EXTL3: variants seen among roughly 807,000 people sequenced by gnomAD.
EXTL3 encodes exostosin-like 3.
In EXTL3, 27 loss-of-function variants were observed where a neutral mutation model predicts 69.3. The observed-to-expected ratio is 0.39, with a 90% CI of 0.29 to 0.54. The LOEUF (loss-of-function observed/expected upper bound fraction) is 0.54, where lower values mean the gene tolerates loss of function less well. EXTL3 is among the 20% of genes least tolerant of loss of function. The pLI, the probability that EXTL3 is intolerant of heterozygous loss-of-function variation, is 0.69. For synonymous variants in EXTL3, 511 were observed against 499.4 expected (o/e 1.02, Z -0.31); for missense variants, 1,003 against 1,231.8 (o/e 0.81, Z 2.78).
chr8:28,631,997 A>G (rs1806576746), intron 1 of EXTL3, among the ~76,000 whole-genome samples: 1 of 151,970 alleles, frequency 6.6e-6, no homozygotes, highest in South Asian at 2.1e-4. Flanking sequence ...CTGAGGCAAG[A>G]GAATCACTTG....
chr8:28,611,077 C>T (rs1404882972), intron 2 of EXTL3, among the ~76,000 whole-genome samples: 1 of 152,168 alleles, frequency 6.6e-6, no homozygotes, highest in East Asian at 1.9e-4. Flanking sequence ...TATTACCTCT[C>T]CTTGCTGCAT....
At chr8:28,710,166 G>A (rs1054527619) in intron 1 of EXTL3, among the ~76,000 whole-genome samples, 15 of 152,166 alleles carry the variant, frequency 9.9e-5, no homozygotes, top group Non-Finnish European at 1.8e-4. Context: ...CATAGAAGAT[G>A]TGCTTGCTGC....
chr8:28,728,584 T>C (rs1340717486), intron 3 of EXTL3, among the ~76,000 whole-genome samples: 1 of 152,140 alleles, frequency 6.6e-6, no homozygotes, highest in African/African-American at 2.4e-5. Context: ...TGAGGTGAAG[T>C]CTTAAAGAAA....
chr8:28,704,156 T>C (rs1363900621), intron 1 of EXTL3, among the ~76,000 whole-genome samples: 2 of 152,104 alleles, frequency 1.3e-5, no homozygotes, highest in African/African-American at 2.4e-5. Flanking sequence ...TAGAAGAGGA[T>C]TGGGGAGACT....
intron 3 of EXTL3, among the ~76,000 whole-genome samples, chr8:28,727,767 T>G (rs1424972748): frequency 6.6e-6 from 1 of 152,136 alleles, no homozygotes; most frequent in Non-Finnish European, 1.5e-5. Context: ...TTCTCCCCAT[T>G]TAATGTGCAC....
upstream of EXTL3, among the ~76,000 whole-genome samples, chr8:28,620,721 T>C (rs893536152): frequency 6.6e-6 from 1 of 152,222 alleles, no homozygotes; most frequent in Non-Finnish European, 1.5e-5. Context: ...TTGTTTTCTT[T>C]TCTTTTTTTT....
At chr8:28,694,082 T>G (rs969273570) in intron 1 of EXTL3, among the ~76,000 whole-genome samples, 3 of 152,156 alleles carry the variant, frequency 2.0e-5, no homozygotes, top group African/African-American at 7.2e-5. Flanking sequence ...GCCATTAACA[T>G]GGAAAATGAG....
rs911066585 is a variant in EXTL3 at position 28,751,353 on chromosome 8, C to G, written c.*487C>G. ...CTTTCTAAGGGAGGGACCGCGCAGG[C>G]TCCTTTGTTCTGTATTCTGGCGGAG... is the stretch of plus-strand genomic sequence containing the variant. On this transcript the variant is annotated 3_prime_UTR_variant, in exon 7 of 7. Transcript: ENST00000220562. The G allele has an allele frequency of 3.5e-5, 6 of 171,434 alleles. No homozygotes were observed. Among genetic ancestry groups the G allele is most frequent in the Admixed American group, 1.1e-4 (2 of 18,304 alleles). The allele number at this position is 171,434 out of a possible 1,614,324, so 10.6% of individuals were successfully genotyped here.
At chr8:28,731,379 T>C (rs376773543) in intron 4 of EXTL3, 29 bp downstream of exon 4, 550 of 1,613,850 alleles carry the variant, frequency 3.4e-4, no homozygotes, top group Non-Finnish European at 4.2e-4. Context: ...ATCAAAACTT[T>C]AGGTTGCAAG....
chr8:28,613,509 G>T (rs1806296148), intron 2 of EXTL3, among the ~76,000 whole-genome samples: 1 of 152,112 alleles, frequency 6.6e-6, no homozygotes, highest in Non-Finnish European at 1.5e-5. Flanking sequence ...GAATGAAATG[G>T]GAAGTACTCC....
chr8:28,730,238 C>A (rs1262044985), intron 3 of EXTL3: 1 of 152,114 alleles, frequency 6.6e-6, no homozygotes, highest in Non-Finnish European at 1.5e-5. Context: ...GTTCTCAGTA[C>A]AAGTAAAATA....
At chr8:28,723,903 A>G (rs1585280481) in intron 3 of EXTL3, among the ~76,000 whole-genome samples, 1 of 151,924 alleles carries the variant, frequency 6.6e-6, no homozygotes, top group African/African-American at 2.4e-5. Context: ...CTGCCTCCCA[A>G]AGTACTGGGA....
intron 1 of EXTL3, among the ~76,000 whole-genome samples, chr8:28,703,853 T>G (rs1344011593): frequency 6.6e-6 from 1 of 152,220 alleles, no homozygotes; most frequent in African/African-American, 2.4e-5. Context: ...TTATTTTTGT[T>G]ACCCCTTCAT....
At chr8:28,621,763 A>G (rs1806411845), upstream of EXTL3, among the ~76,000 whole-genome samples, 1 of 152,240 alleles carries the variant, frequency 6.6e-6, no homozygotes, top group Non-Finnish European at 1.5e-5. Flanking sequence ...CTTAAGACGC[A>G]TTAAACTCTA....
intron 1 of EXTL3, among the ~76,000 whole-genome samples, chr8:28,687,953 T>G (rs1283286555): frequency 6.6e-6 from 1 of 152,166 alleles, no homozygotes; most frequent in Admixed American, 6.5e-5. Context: ...TTCTATAACC[T>G]CATATTAGAA....
At position 28,752,012 on chromosome 8, in the gene EXTL3, CTCTG is replaced by C. The variant is rs376038673; in HGVS notation, c.*1151_*1154del. 212 of 152,502 alleles carry C rather than the reference CTCTG, an allele frequency of 1.4e-3. 2 individuals carry two copies. The highest frequency in any genetic ancestry group is 5.0e-3 in the African/African-American group (207 of 41,584). 9.4% of individuals were successfully genotyped at this position (152,502 alleles called of 1,614,324 possible). A position where few individuals can be genotyped will look rare whatever the true frequency, so the allele number is the denominator to read the frequency against. On this transcript the variant is annotated 3_prime_UTR_variant, in exon 7 of 7. Coordinates refer to ENST00000220562, the MANE Select transcript of EXTL3 (RefSeq NM_001440.4). ...TTGGTGAAATTCACCTTCCCCCCGC[CTCTG>C]TCTGGAGCCCCATCCTGTGTTATCT...
At chr8:28,743,601 A>G (rs142612802) in intron 6 of EXTL3, among the ~76,000 whole-genome samples, 3 of 152,328 alleles carry the variant, frequency 2.0e-5, no homozygotes, top group African/African-American at 7.2e-5. Flanking sequence ...CTTTATTGCA[A>G]TATCTGCAAA....
chr8:28,715,183 A>C (rs1032374493), intron 2 of EXTL3, among the ~76,000 whole-genome samples: 4 of 152,256 alleles, frequency 2.6e-5, no homozygotes, highest in African/African-American at 9.6e-5. Flanking sequence ...AGGAATAAAC[A>C]TAAACTACCC....
rs575171889 is a variant in EXTL3, at chr8:28,751,664, T to A, written c.*798T>A. 1 of 152,210 alleles carries A rather than the reference T, an allele frequency of 6.6e-6. No homozygotes were observed. The highest frequency in any genetic ancestry group is 2.4e-5 in the African/African-American group (1 of 41,434). The allele number at this position is 152,210 out of a possible 1,614,324, so 9.4% of individuals were successfully genotyped here. ...TAGGCCAGGCTTGCCTCCGTACTTA[T>A]CCCTGCTCTCCCATTTCTCTCTTGT... On this transcript the variant is annotated 3_prime_UTR_variant, in exon 7 of 7. Transcript: ENST00000220562.
Sources: allele counts gnomAD v4.1 joint callset (sites outside exome capture counted in the v4.1 genomes callset), GRCh38; gene constraint gnomAD v4.1.1; transcripts MANE v1.5; gene names NCBI Gene and HGNC (gene_info 2026-07-23, HGNC 2026-07-21).